Variants in SYT17 observed in about 807,000 individuals in gnomAD.
The protein encoded by SYT17 is synaptotagmin 17, also known as synaptotagmin-17.
SYT17 carries 22 observed loss-of-function variants against 46.7 expected under a neutral mutation model. The observed-to-expected ratio is 0.47, with a 90% CI of 0.34 to 0.67. The LOEUF (loss-of-function observed/expected upper bound fraction) is 0.67, where lower values mean the gene tolerates loss of function less well. Among genes scored for constraint, SYT17 ranks in the 30% least tolerant of loss-of-function variants. The pLI, the probability that SYT17 is intolerant of heterozygous loss-of-function variation, is 0.01. For synonymous variants in SYT17, 251 were observed against 248.4 expected (o/e 1.01, Z -0.10); for missense variants, 519 against 612.8 (o/e 0.85, Z 1.62).
At chr16:19,250,178 A>G (rs941756574) in intron 7 of SYT17, 31 of 1,176,972 alleles carry the variant, frequency 2.6e-5, no homozygotes, top group Admixed American at 1.3e-4. Flanking sequence ...ATGAACACCC[A>G]TATTTCTACC....
chr16:19,173,499 T>A lies in SYT17; in HGVS notation c.103T>A (p.Tyr35Asn), dbSNP rs1432037043. 1 of 1,613,352 alleles carries A rather than the reference T, an allele frequency of 6.2e-7. No individual in the cohort carries two copies. Among genetic ancestry groups the A allele is most frequent in the African/African-American group, 1.3e-5 (1 of 74,742 alleles). Residue 35 changes from tyrosine (Y) to asparagine (N), a missense_variant, in exon 3 of 8, where the codon TAC becomes AAC. Coordinates refer to ENST00000355377, the MANE Select transcript of SYT17 (RefSeq NM_016524.4). ...CTGCCGGCACTGCTGTCAGAAGTGC[T>A]ACGAGTCCAGCTGTTGCCAGTCAAG... is the stretch of plus-strand genomic sequence containing the variant. ...WTCRHCCQKC[Y>N]ESSCCQSSED... is the part of the protein sequence containing the mutation.
chr16:19,177,988 T>C (rs1262003761), intron 3 of SYT17, among the ~76,000 whole-genome samples: 6 of 152,168 alleles, frequency 3.9e-5, no homozygotes, highest in Non-Finnish European at 8.8e-5. Flanking sequence ...CTTTTAACAG[T>C]GGTGCAAATT....
intron 5 of SYT17, among the ~76,000 whole-genome samples, chr16:19,205,903 C>T (rs907755120): frequency 6.6e-6 from 1 of 152,136 alleles, no homozygotes; most frequent in African/African-American, 2.4e-5. Context: ...TATGTTTCTT[C>T]CACTTTAATG....
intron 5 of SYT17, among the ~76,000 whole-genome samples, chr16:19,190,067 G>C (rs911628040): frequency 6.6e-6 from 1 of 152,304 alleles, no homozygotes; most frequent in South Asian, 2.1e-4. Context: ...AGTAGGACAA[G>C]GGGATTGACA....
intron 7 of SYT17, among the ~76,000 whole-genome samples, chr16:19,237,671 C>A (rs1966867344): frequency 6.6e-6 from 1 of 152,234 alleles, no homozygotes; most frequent in Admixed American, 6.5e-5. Context: ...TAGCACTGCT[C>A]TGCAGGAGCA....
At chr16:19,234,622 A>T (rs993038024) in intron 7 of SYT17, among the ~76,000 whole-genome samples, 2 of 152,154 alleles carry the variant, frequency 1.3e-5, no homozygotes, top group Non-Finnish European at 2.9e-5. Context: ...AATTACACAG[A>T]CTTGAGTTTG....
At chr16:19,245,106 A>G (rs544084304) in intron 7 of SYT17, among the ~76,000 whole-genome samples, 1 of 152,284 alleles carries the variant, frequency 6.6e-6, no homozygotes, top group East Asian at 1.9e-4. Context: ...ATCTCATGCC[A>G]CCAAATTCCA....
At chr16:19,172,503 A>T (rs1964136960) in intron 1 of SYT17, 3 of 1,487,806 alleles carry the variant, frequency 2.0e-6, no homozygotes, top group African/African-American at 2.8e-5. Context: ...ATCAAATCGA[A>T]ATGCTAAAGT....
Position 19,183,849 on chromosome 16 carries a change from A to G in SYT17, c.653A>G (p.Asp218Gly). ...ARDLPPPISH[D>G]GSRQDMAHSN... is the part of the protein sequence containing the mutation. The stretch of plus-strand genomic sequence containing the variant: ...GACCTGCCACCTCCCATCTCCCACG[A>G]TGGCTCGCGCCAGGACATGGCGCAC... The change falls in exon 5 of 8, where the codon GAT (aspartate) becomes GGT (glycine). Residue 218 changes from aspartate (D) to glycine (G), a missense_variant. Transcript: ENST00000355377. The surrounding 1 kb of genome is among the most constrained non-coding windows in gnomAD (Gnocchi z 5.6). 6.2e-7 allele frequency: 1 copy of G among 1,614,150 alleles called. No homozygotes were observed. Among genetic ancestry groups the G allele is most frequent in the East Asian group, 2.2e-5 (1 of 44,870 alleles).
chr16:19,205,369 C>T (rs901735525), intron 5 of SYT17, among the ~76,000 whole-genome samples: 2 of 152,044 alleles, frequency 1.3e-5, no homozygotes, highest in Non-Finnish European at 2.9e-5. Flanking sequence ...GGAATGCTGT[C>T]CCCCCAGATA....
chr16:19,171,097 C>T (rs987863414), intron 1 of SYT17: 11 of 152,234 alleles, frequency 7.2e-5, no homozygotes, highest in African/African-American at 2.7e-4. Context: ...GATGGTGAGA[C>T]TAGGACTCTA....
Position 19,224,732 on chromosome 16 carries a change from C to T in SYT17, c.1122C>T (p.Thr374=), listed in dbSNP as rs745935226. 2 of 1,614,102 alleles carry T rather than the reference C, an allele frequency of 1.2e-6. No homozygotes were observed. Among genetic ancestry groups the T allele is most frequent in the South Asian group, 2.2e-5 (2 of 91,066 alleles). Residue 374 remains threonine (T), a synonymous_variant, in exon 7 of 8, where the codon ACC becomes ACT. Coordinates refer to ENST00000355377, the MANE Select transcript of SYT17 (RefSeq NM_016524.4). ...QLVHGLKLVK[T]KKTSFLRGTI... is the part of the protein sequence containing the mutation. ...TGCATGGACTCAAACTTGTGAAAAC[C>T]AAGAAGACGTCCTTCTTAAGGGGCA... is the stretch of plus-strand genomic sequence containing the variant.
At chr16:19,253,246 C>G (rs1334346422) in intron 7 of SYT17, among the ~76,000 whole-genome samples, 2 of 152,152 alleles carry the variant, frequency 1.3e-5, no homozygotes, top group Non-Finnish European at 2.9e-5. Context: ...AATATTTACT[C>G]TCTGGCCCTT....
chr16:19,241,393 C>G (rs1049872682), intron 7 of SYT17, among the ~76,000 whole-genome samples: 71 of 151,992 alleles, frequency 4.7e-4, no homozygotes, highest in Non-Finnish European at 8.8e-5. Context: ...ATGCCTGGGT[C>G]TGCAGCTGTA....
chr16:19,237,396 T>C (rs985650343), intron 7 of SYT17, among the ~76,000 whole-genome samples: 3 of 152,108 alleles, frequency 2.0e-5, no homozygotes, highest in Admixed American at 2.0e-4. Flanking sequence ...CTGGACCAAA[T>C]TGAGGGCTAG....
chr16:19,200,975 G>C (rs534500926), intron 5 of SYT17, among the ~76,000 whole-genome samples: 22 of 152,236 alleles, frequency 1.4e-4, no homozygotes, highest in Admixed American at 5.9e-4. Flanking sequence ...CATTCCAGAG[G>C]GGGGACCAGC....
intron 5 of SYT17, among the ~76,000 whole-genome samples, chr16:19,185,431 A>C (rs1445417363): frequency 1.3e-5 from 2 of 152,144 alleles, no homozygotes; most frequent in Non-Finnish European, 2.9e-5. Context: ...TACAAAAAAC[A>C]ATTTAAAAAT....
rs148195786 is a variant in SYT17, at chr16:19,178,449, G to A, written c.183-1942G>A. 3.8e-3 allele frequency among the ~76,000 whole-genome samples: 577 copies of A among 151,994 alleles called. 2 individuals carry two copies. The highest frequency in any genetic ancestry group is 6.5e-3 in the Admixed American group (99 of 15,262). ...TGGGACTGCAAGTGCATGCCACCAC[G>A]TCAGGTTAATTTTTGTACTTTTAAT... On this transcript the variant is annotated intron_variant, in intron 3 of 7. Transcript: ENST00000355377.
intron 7 of SYT17, among the ~76,000 whole-genome samples, chr16:19,258,046 A>C (rs114794546): frequency 0.016 from 2,395 of 152,232 alleles, 52 homozygotes; most frequent in African/African-American, 0.054. Context: ...TTGGCAAACT[A>C]AATTAGCGAC....
Sources: gnomAD v4.1 joint callset for allele counts (sites outside exome capture counted in the v4.1 genomes callset) on GRCh38, gnomAD v4.1.1 for gene constraint, Gnocchi (gnomAD v3.1) non-coding constraint, MANE v1.5 for transcripts, NCBI Gene and HGNC (gene_info 2026-07-23, HGNC 2026-07-21) for gene names.